Variants in GRID1 observed in about 807,000 individuals in gnomAD.
GRID1 encodes glutamate receptor ionotropic, delta-1.
Under a neutral mutation model 98.0 loss-of-function variants are expected in GRID1, and 28 were observed. That is an observed-to-expected ratio of 0.29 (90% CI 0.21 to 0.39). The LOEUF (loss-of-function observed/expected upper bound fraction) is 0.39. GRID1 is among the 10% of genes least tolerant of loss of function. GRID1 has a pLI of 1.00. For synonymous variants in GRID1, 553 were observed against 538.5 expected (o/e 1.03, Z -0.37); for missense variants, 1,111 against 1,340.5 (o/e 0.83, Z 2.67).
intron 5 of GRID1, among the ~76,000 whole-genome samples, chr10:85,873,454 T>C (rs1174966816): frequency 3.3e-5 from 5 of 152,256 alleles, no homozygotes; most frequent in African/African-American, 4.8e-5. Flanking sequence ...TTGTATTTTA[T>C]TACTTTTTAA....
At chr10:86,060,485 T>C (rs1392096086) in intron 4 of GRID1, among the ~76,000 whole-genome samples, 1 of 152,170 alleles carries the variant, frequency 6.6e-6, no homozygotes, top group Non-Finnish European at 1.5e-5. Context: ...CCCCAGTATA[T>C]TGGTGAGAGA....
intron 2 of GRID1, among the ~76,000 whole-genome samples, chr10:86,234,524 A>C (rs1319395770): frequency 6.6e-6 from 1 of 152,226 alleles, no homozygotes; most frequent in Non-Finnish European, 1.5e-5. Flanking sequence ...AATTTCATGC[A>C]TTTTGCTTCA....
In GRID1 at chr10:85,739,079, T is replaced by TTA. The variant is rs142267372; in HGVS notation, c.1234-9467_1234-9466dup. ...TCTGAAATCATTATGTATAAAATCA[T>TTA]TATATATATATATGGCACATACTTG... On this transcript the variant is annotated intron_variant, in intron 8 of 15. Transcript: ENST00000327946. 1.6e-4 allele frequency among the ~76,000 whole-genome samples: 25 copies of TTA among 151,672 alleles called. No homozygotes were observed. The South Asian group carries it at 2.5e-3, about 15-fold the overall frequency.
At chr10:86,093,467 A>G (rs780069339) in intron 4 of GRID1, among the ~76,000 whole-genome samples, 8 of 152,148 alleles carry the variant, frequency 5.3e-5, no homozygotes, top group Non-Finnish European at 1.2e-4. Flanking sequence ...TAGCAAGATT[A>G]ACCAAGAAGA....
At chr10:85,924,996 A>T (rs185973518) in intron 4 of GRID1, among the ~76,000 whole-genome samples, 24 of 152,360 alleles carry the variant, frequency 1.6e-4, no homozygotes, top group Admixed American at 1.3e-3. Flanking sequence ...ATAAAAAGTG[A>T]GAATATGCTA....
At chr10:86,179,239 G>A (rs1390322197) in intron 3 of GRID1, among the ~76,000 whole-genome samples, 2 of 152,026 alleles carry the variant, frequency 1.3e-5, no homozygotes, top group African/African-American at 2.4e-5. Context: ...CACAAAGCCA[G>A]ACTGGCCAGG....
At chr10:86,173,827 T>C (rs1845531886) in intron 3 of GRID1, among the ~76,000 whole-genome samples, 1 of 150,566 alleles carries the variant, frequency 6.6e-6, no homozygotes, top group African/African-American at 2.4e-5. Flanking sequence ...TATGCGGTGT[T>C]TGGTTTTTTG....
At chr10:85,682,153 C>T (rs1056345703) in intron 12 of GRID1, among the ~76,000 whole-genome samples, 10 of 152,140 alleles carry the variant, frequency 6.6e-5, no homozygotes, top group South Asian at 2.1e-4. Context: ...AAAGGCAACA[C>T]GCTGATATGA....
At chr10:86,302,117 C>T (rs1197522360) in intron 2 of GRID1, among the ~76,000 whole-genome samples, 1 of 152,204 alleles carries the variant, frequency 6.6e-6, no homozygotes, top group Non-Finnish European at 1.5e-5. Flanking sequence ...CCCTTAGCTT[C>T]CCTCCTCACC....
intron 8 of GRID1, among the ~76,000 whole-genome samples, chr10:85,749,125 G>A (rs1842023724): frequency 1.3e-5 from 2 of 152,178 alleles, no homozygotes; most frequent in African/African-American, 4.8e-5. Context: ...GCCTCAAGGT[G>A]ACAGGCAGTT....
At chr10:86,193,445 G>A (rs777964515) in intron 3 of GRID1, among the ~76,000 whole-genome samples, 17 of 152,048 alleles carry the variant, frequency 1.1e-4, no homozygotes, top group Non-Finnish European at 2.1e-4. Flanking sequence ...TGGGCCTCTA[G>A]GCCTGAGGAA....
intron 4 of GRID1, among the ~76,000 whole-genome samples, chr10:86,103,663 T>C (rs535843437): frequency 6.6e-6 from 1 of 152,296 alleles, no homozygotes; most frequent in Admixed American, 6.5e-5. Context: ...CCACAGCATC[T>C]CACGTTCTGC....
chr10:85,724,764 G>C, intron 10 of GRID1, 88 bp from the exon 11 acceptor site: 2 of 1,032,002 alleles, frequency 1.9e-6, no homozygotes, highest in Non-Finnish European at 2.9e-6. Context: ...TCTGTCCTTT[G>C]AGTTGCTCTG....
chr10:86,134,818 T>A (rs1844891592), intron 4 of GRID1, among the ~76,000 whole-genome samples: 1 of 152,178 alleles, frequency 6.6e-6, no homozygotes, highest in Admixed American at 6.5e-5. Context: ...GATGATCCCA[T>A]CTCTCCCTGG....
chr10:85,775,701 T>A (rs1759317700), intron 8 of GRID1, among the ~76,000 whole-genome samples: 1 of 152,128 alleles, frequency 6.6e-6, no homozygotes, highest in African/African-American at 2.4e-5. Context: ...ATAGTTGAAA[T>A]CATTTAAAAA....
chr10:86,252,467 G>A (rs1214934618), intron 2 of GRID1, among the ~76,000 whole-genome samples: 2 of 152,206 alleles, frequency 1.3e-5, no homozygotes, highest in African/African-American at 2.4e-5. Flanking sequence ...GATTACTTAC[G>A]GGTCTGTGTG....
intron 2 of GRID1, among the ~76,000 whole-genome samples, chr10:86,333,167 G>T (rs961609946): frequency 6.6e-6 from 1 of 152,184 alleles, no homozygotes; most frequent in Non-Finnish European, 1.5e-5. Flanking sequence ...ACACCCCACA[G>T]ATGGAGGTTT....
chr10:85,605,637 C>G (rs1247058533), intron 15 of GRID1: 1 of 152,180 alleles, frequency 6.6e-6, no homozygotes, highest in East Asian at 1.9e-4. Flanking sequence ...TGTCTAGGTT[C>G]CAGGGCTGCT....
chr10:86,231,970 A>G (rs767210795), intron 2 of GRID1, among the ~76,000 whole-genome samples: 14 of 151,980 alleles, frequency 9.2e-5, no homozygotes, highest in Non-Finnish European at 1.5e-4. Context: ...TTGCTCCTAT[A>G]CTGCAAACCC....
Sources: gnomAD v4.1 joint callset for allele counts (sites outside exome capture counted in the v4.1 genomes callset) on GRCh38, gnomAD v4.1.1 for gene constraint, MANE v1.5 for transcripts, NCBI Gene and HGNC (gene_info 2026-07-23, HGNC 2026-07-21) for gene names.